The following GTF2E1 variants were observed in gnomAD, a reference collection of about 807,000 sequenced individuals.
GTF2E1 encodes general transcription factor IIE subunit 1, also known as TFIIE alpha subunit.
Under a neutral mutation model 34.9 loss-of-function variants are expected in GTF2E1, and 14 were observed. The ratio of observed to expected loss-of-function variants is 0.40; its 90% CI spans 0.27 to 0.63. GTF2E1 has a LOEUF of 0.63. GTF2E1 is among the 20% of genes least tolerant of loss of function. The pLI is 0.39. For missense variants in GTF2E1, 469 were observed against 557.7 expected (o/e 0.84, Z 1.60); for synonymous variants, 188 against 192.9 (o/e 0.97, Z 0.21).
intron 2 of GTF2E1, among the ~76,000 whole-genome samples, chr3:120,760,916 G>A (rs1388496004): frequency 1.3e-5 from 2 of 152,092 alleles, no homozygotes; most frequent in African/African-American, 4.8e-5. Context: ...CCAGGCTTTG[G>A]TATCAGGATG....
At chr3:120,769,196 TA>T (rs75846153) in intron 2 of GTF2E1, among the ~76,000 whole-genome samples, 1,675 of 132,916 alleles carry the variant, frequency 0.013, 12 homozygotes, top group African/African-American at 0.021. Context: ...ATCTTTTACC[TA>T]AAAAAAAAAA....
At chr3:120,751,081 A>G (rs1709161416) in intron 2 of GTF2E1, 81 bp downstream of exon 2, 1 of 796,836 alleles carries the variant, frequency 1.3e-6, no homozygotes, top group African/African-American at 1.7e-5. Flanking sequence ...TAATTTTTAA[A>G]CCATCATATA....
At chr3:120,779,743 A>G (rs1458994046) in intron 4 of GTF2E1, among the ~76,000 whole-genome samples, 1 of 152,216 alleles carries the variant, frequency 6.6e-6, no homozygotes, top group Non-Finnish European at 1.5e-5. Context: ...ACATTCACTT[A>G]ATCCCCACAG....
chr3:120,757,087 ATAGT>A (rs1283955546), intron 2 of GTF2E1, among the ~76,000 whole-genome samples: 1 of 152,048 alleles, frequency 6.6e-6, no homozygotes, highest in Non-Finnish European at 1.5e-5. Flanking sequence ...TGTCTTTCAG[ATAGT>A]TGAGATGAGT....
chr3:120,744,562 A>G (rs528939302), intron 1 of GTF2E1, among the ~76,000 whole-genome samples: 52 of 152,300 alleles, frequency 3.4e-4, no homozygotes, highest in Non-Finnish European at 6.6e-4. Flanking sequence ...TTTCCTAGCT[A>G]CGCTGGCTCA....
At position 120,750,855 on chromosome 3, in the gene GTF2E1, T is replaced by C. The variant is rs1446254183; in HGVS notation, c.303T>C (p.Asn101=). Reference sequence around the variant, plus strand: ...TCATCAATTATCGTACTCTTGTTAATGTGGTAAAATATAAACTGGACCACA... The same window carrying C: ...TCATCAATTATCGTACTCTTGTTAACGTGGTAAAATATAAACTGGACCACA... The part of the protein sequence containing the change: ...YYFINYRTLV[N]VVKYKLDHMR... The change falls in exon 2 of 5, where the codon AAT becomes AAC. Residue 101 remains asparagine (N), a synonymous_variant. Transcript: ENST00000283875. 1.9e-6 allele frequency: 3 copies of C among 1,614,052 alleles called. No homozygotes were observed. Among genetic ancestry groups the C allele is most frequent in the Non-Finnish European group, 8.5e-7 (1 of 1,179,944 alleles).
intron 3 of GTF2E1, among the ~76,000 whole-genome samples, chr3:120,774,954 C>G (rs950948719): frequency 2.0e-5 from 3 of 152,164 alleles, no homozygotes; most frequent in Non-Finnish European, 2.9e-5. Context: ...GCACAAGTAG[C>G]ATGGCCCTAT....
intron 2 of GTF2E1, among the ~76,000 whole-genome samples, chr3:120,764,008 G>A (rs1709286537): frequency 6.6e-6 from 1 of 152,082 alleles, no homozygotes; most frequent in African/African-American, 2.4e-5. Flanking sequence ...TTTGTGCTTT[G>A]TGTGCACCAG....
chr3:120,748,275 T>C (rs1437936890), intron 1 of GTF2E1, among the ~76,000 whole-genome samples: 2 of 151,364 alleles, frequency 1.3e-5, no homozygotes, highest in African/African-American at 4.8e-5. Flanking sequence ...TTTGTCAATT[T>C]TGGCTTTTGT....
chr3:120,748,247 T>G (rs542569168), intron 1 of GTF2E1, among the ~76,000 whole-genome samples: 8,502 of 151,560 alleles, frequency 0.056, 327 homozygotes, highest in Middle Eastern at 0.1. Flanking sequence ...AGAAGCTCTT[T>G]AGTTTAATTA....
intron 3 of GTF2E1, among the ~76,000 whole-genome samples, 200 bp from the exon 4 acceptor site, chr3:120,776,223 A>G (rs541969641): frequency 6.6e-6 from 1 of 152,338 alleles, no homozygotes; most frequent in Non-Finnish European, 1.5e-5. Flanking sequence ...AAATATAAAT[A>G]TGATGTGTTT....
At chr3:120,771,289 T>A (rs1709350043) in intron 3 of GTF2E1, among the ~76,000 whole-genome samples, 1 of 152,152 alleles carries the variant, frequency 6.6e-6, no homozygotes, top group Admixed American at 6.6e-5. Context: ...GCTGAAGGCC[T>A]TTAAGGAATT....
chr3:120,780,825 T>C (rs557328357), intron 4 of GTF2E1, among the ~76,000 whole-genome samples: 1 of 152,328 alleles, frequency 6.6e-6, no homozygotes, highest in African/African-American at 2.4e-5. Flanking sequence ...ATCTATGCTA[T>C]AATACTCTTA....
chr3:120,751,516 C>T (rs1027981417), intron 2 of GTF2E1, among the ~76,000 whole-genome samples: 1 of 152,100 alleles, frequency 6.6e-6, no homozygotes, highest in Non-Finnish European at 1.5e-5. Flanking sequence ...CAAGATAAGA[C>T]ATTTAGTGTC....
intron 2 of GTF2E1, among the ~76,000 whole-genome samples, chr3:120,753,606 A>G (rs1709185350): frequency 6.6e-6 from 1 of 152,184 alleles, no homozygotes; most frequent in Non-Finnish European, 1.5e-5. Flanking sequence ...GTGTATGGGC[A>G]GCTCTCTGCC....
At chr3:120,765,025 C>T (rs1709295281) in intron 2 of GTF2E1, among the ~76,000 whole-genome samples, 1 of 150,888 alleles carries the variant, frequency 6.6e-6, no homozygotes, top group Admixed American at 6.6e-5. Flanking sequence ...CAATCCCTTC[C>T]CCCCACCCTC....
At chr3:120,747,939 A>C (rs1301884078) in intron 1 of GTF2E1, among the ~76,000 whole-genome samples, 1 of 152,054 alleles carries the variant, frequency 6.6e-6, no homozygotes, top group South Asian at 2.1e-4. Context: ...AATGATTGCC[A>C]TTCTAACTGG....
intron 1 of GTF2E1, among the ~76,000 whole-genome samples, chr3:120,743,916 A>G (rs1312384962): frequency 6.6e-6 from 1 of 152,158 alleles, no homozygotes; most frequent in Non-Finnish European, 1.5e-5. Context: ...TGATATGATT[A>G]AAATACACGT....
At chr3:120,765,974 A>G (rs1709304064) in intron 2 of GTF2E1, among the ~76,000 whole-genome samples, 1 of 152,086 alleles carries the variant, frequency 6.6e-6, no homozygotes, top group African/African-American at 2.4e-5. Context: ...TCTTGATCTT[A>G]TATGTGAAAA....
Sources: gnomAD v4.1 joint callset for allele counts (sites outside exome capture counted in the v4.1 genomes callset) on GRCh38, gnomAD v4.1.1 for gene constraint, MANE v1.5 for transcripts, NCBI Gene and HGNC (gene_info 2026-07-23, HGNC 2026-07-21) for gene names.